Variants in NMS observed in about 807,000 individuals in gnomAD.
The protein encoded by NMS is neuromedin S, also known as neuromedin-S.
In NMS, 30 loss-of-function variants were observed where a neutral mutation model predicts 32.2. The ratio of observed to expected loss-of-function variants is 0.93; its 90% confidence interval spans 0.70 to 1.26. The LOEUF (loss-of-function observed/expected upper bound fraction) is 1.26. Among genes scored for constraint, NMS ranks in the 50% most tolerant of loss-of-function variants. The probability of loss-of-function intolerance (pLI) is 0.00; values close to 1 mark genes in which losing one functional copy is unlikely to be tolerated. For missense variants in NMS, 190 were observed against 186.3 expected (o/e 1.02, Z -0.12); for synonymous variants, 76 against 58.5 (o/e 1.30, Z -1.37).
chr2:100,476,401 G>A (rs1404815600), intron 3 of NMS, among the ~76,000 whole-genome samples: 3 of 152,212 alleles, frequency 2.0e-5, no homozygotes, highest in Admixed American at 2.0e-4. Context: ...GTACATGGTA[G>A]AGAGAGAGGA....
At position 100,480,520 on chromosome 2, in the gene NMS, T is replaced by C. The variant is rs773772733; in HGVS notation, c.361T>C (p.Phe121Leu). The change falls in exon 7 of 10, where the codon TTC becomes CTC. Residue 121 changes from phenylalanine to leucine, a missense_variant. Physicochemically the swap from Phe to Leu is conservative, Grantham distance 22. Transcript: ENST00000376865. ...GGGCTCGGGGACTGCTGCAGTGGAC[T>C]TCACCAAGAAGGTACACAAGAGCCT... ...QRGSGTAAVD[F>L]TKKDHTATWG... is the part of the protein sequence containing the mutation. 2 of 1,613,120 alleles carry C rather than the reference T, an allele frequency of 1.2e-6. No individual in the cohort carries two copies. The highest frequency in any genetic ancestry group is 1.7e-6 in the Non-Finnish European group (2 of 1,179,990).
chr2:100,481,393 G>A (rs139529562), intron 8 of NMS, among the ~76,000 whole-genome samples: 30 of 152,268 alleles, frequency 2.0e-4, no homozygotes, highest in Non-Finnish European at 2.9e-4. Flanking sequence ...CAGAGTAGGC[G>A]TAAGGGAGTT....
intron 8 of NMS, among the ~76,000 whole-genome samples, chr2:100,481,672 C>T (rs1558670189): frequency 1.3e-5 from 2 of 152,094 alleles, no homozygotes; most frequent in African/African-American, 2.4e-5. Context: ...AGATCCATGC[C>T]CCCCAGAAAC....
chr2:100,475,187 C>T (rs1378497744), intron 3 of NMS, among the ~76,000 whole-genome samples: 4 of 152,170 alleles, frequency 2.6e-5, no homozygotes, highest in Non-Finnish European at 2.9e-5. Flanking sequence ...AACAAAACTG[C>T]CAATATTTAA....
Position 100,480,548 on chromosome 2 carries a change from G to A in NMS, c.372+17G>A. On this transcript the variant is annotated intron_variant, in intron 7 of 9. Coordinates refer to ENST00000376865, the MANE Select transcript of NMS (RefSeq NM_001011717.1). ...ACCAAGAAGGTACACAAGAGCCTTG[G>A]AGACTGCGACCCCCAAAGAAAGCCC... 1 of 1,612,430 alleles carries A rather than the reference G, an allele frequency of 6.2e-7. No homozygotes were observed. Among genetic ancestry groups the A allele is most frequent in the East Asian group, 2.2e-5 (1 of 44,866 alleles).
At chr2:100,471,615 TC>T (rs1309766788) in intron 1 of NMS, among the ~76,000 whole-genome samples, 1 of 152,194 alleles carries the variant, frequency 6.6e-6, no homozygotes, top group East Asian at 1.9e-4. Context: ...TATACTCACC[TC>T]CCTATTTTTT....
chr2:100,471,165 G>T (rs1558666361), intron 1 of NMS, among the ~76,000 whole-genome samples: 1 of 152,180 alleles, frequency 6.6e-6, no homozygotes, highest in Non-Finnish European at 1.5e-5. Context: ...AGGGAACAGG[G>T]GTGGAGTGAG....
intron 9 of NMS, 77 bp downstream of exon 9, chr2:100,482,388 G>A: frequency 7.3e-7 from 1 of 1,367,768 alleles, no homozygotes; most frequent in Non-Finnish European, 1.0e-6. Flanking sequence ...GAGAGAGTGA[G>A]AGGCAGCCAT....
At chr2:100,472,926 A>C in intron 2 of NMS, 76 bp downstream of exon 2, 3 of 982,452 alleles carry the variant, frequency 3.1e-6, no homozygotes, top group Non-Finnish European at 4.7e-6. Context: ...ATGTTCACTT[A>C]AAACTATTTT....
At chr2:100,482,726 G>A (rs1311097329) in intron 9 of NMS, among the ~76,000 whole-genome samples, 4 of 152,204 alleles carry the variant, frequency 2.6e-5, no homozygotes, top group Non-Finnish European at 5.9e-5. Context: ...TCCCTACAGT[G>A]AGATCATTTC....
intron 8 of NMS, among the ~76,000 whole-genome samples, chr2:100,481,504 T>G (rs949018572): frequency 6.6e-6 from 1 of 152,160 alleles, no homozygotes; most frequent in African/African-American, 2.4e-5. Flanking sequence ...CAGGAGGAGC[T>G]TAGGCACCAT....
chr2:100,477,230 A>T lies in NMS; in HGVS notation c.184-14A>T, dbSNP rs1268518272. The T allele has an allele frequency of 6.2e-7, 1 of 1,612,788 alleles. No homozygotes were observed. The highest frequency in any genetic ancestry group is 2.2e-5 in the East Asian group (1 of 44,850). On this transcript the variant is annotated splice_polypyrimidine_tract_variant and intron_variant, in intron 3 of 9. Transcript: ENST00000376865. ...AAAATTTCATCTAACTTACCCTCAC[A>T]ATTCTCTTTCCAGGATAATCAAGAC...
chr2:100,476,467 A>T (rs1428396597), intron 3 of NMS, among the ~76,000 whole-genome samples: 1 of 152,216 alleles, frequency 6.6e-6, no homozygotes, highest in Non-Finnish European at 1.5e-5. Flanking sequence ...TTGCAGAAAG[A>T]TGTAATTGTA....
Position 100,470,583 on chromosome 2 carries a change from GACTCCATCTGGCCTAA to G in NMS, c.76+24_76+39del. ...TCCTCAGGTAAGGGGAGCTTCCTCA[GACTCCATCTGGCCTAA>G]ACTCTGAGGATGTCTGAGACAGACC... On this transcript the variant is annotated intron_variant, in intron 1 of 9. Transcript: ENST00000376865. 1 of 1,594,140 alleles carries G rather than the reference GACTCCATCTGGCCTAA, an allele frequency of 6.3e-7. No individual in the cohort carries two copies. Among genetic ancestry groups the G allele is most frequent in the Non-Finnish European group, 8.6e-7 (1 of 1,162,060 alleles).
intron 6 of NMS, among the ~76,000 whole-genome samples, chr2:100,479,825 G>A (rs1677182310): frequency 6.6e-6 from 1 of 152,162 alleles, no homozygotes; most frequent in African/African-American, 2.4e-5. Flanking sequence ...ATTTCTCAGA[G>A]CTTTCTTCTT....
chr2:100,474,828 A>C (rs1401080139), intron 3 of NMS, among the ~76,000 whole-genome samples: 1 of 152,234 alleles, frequency 6.6e-6, no homozygotes, highest in Non-Finnish European at 1.5e-5. Context: ...CATATGTTTG[A>C]AGGCAATTGT....
At chr2:100,478,890 T>C (rs937465916) in intron 5 of NMS, among the ~76,000 whole-genome samples, 10 of 152,170 alleles carry the variant, frequency 6.6e-5, no homozygotes, top group Non-Finnish European at 1.2e-4. Flanking sequence ...TCACAAGGAC[T>C]AGATGAGGAT....
intron 1 of NMS, among the ~76,000 whole-genome samples, chr2:100,471,942 C>A (rs1000174363): frequency 6.6e-6 from 1 of 150,796 alleles, no homozygotes; most frequent in Non-Finnish European, 1.5e-5. Context: ...AGTGCCTTTA[C>A]CTCATATCTT....
chr2:100,477,278 C>T lies in NMS; in HGVS notation c.207+11C>T. 1 of 1,612,760 alleles carries T rather than the reference C, an allele frequency of 6.2e-7. No homozygotes were observed. Among genetic ancestry groups the T allele is most frequent in the Non-Finnish European group, 8.5e-7 (1 of 1,178,762 alleles). The stretch of plus-strand genomic sequence containing the variant: ...GACATATACAAAAGGGTGAGTACCA[C>T]CTAGCCCTGTACAAGTGCATGCAGC... On this transcript the variant is annotated intron_variant, in intron 4 of 9. Coordinates refer to ENST00000376865, the MANE Select transcript of NMS (RefSeq NM_001011717.1).
Sources: gnomAD v4.1 joint callset for allele counts (sites outside exome capture counted in the v4.1 genomes callset) on GRCh38, gnomAD v4.1.1 for gene constraint, MANE v1.5 for transcripts, NCBI Gene and HGNC (gene_info 2026-07-23, HGNC 2026-07-21) for gene names.